GSPT1: variants seen among roughly 807,000 people sequenced by gnomAD.
The protein encoded by GSPT1 is eukaryotic peptide chain release factor GTP-binding subunit ERF3A.
GSPT1 carries 20 observed loss-of-function variants against 72.5 expected under a neutral mutation model. The ratio of observed to expected loss-of-function variants is 0.28; its 90% CI spans 0.19 to 0.40. GSPT1 has a LOEUF of 0.40. GSPT1 is among the 10% of genes least tolerant of loss of function. GSPT1 has a pLI of 1.00. For missense variants in GSPT1, 580 were observed against 811.9 expected (o/e 0.71, Z 3.47); for synonymous variants, 334 against 293.5 (o/e 1.14, Z -1.41).
chr16:11,876,070 A>G lies in GSPT1; in HGVS notation c.1692+16T>C. 6.5e-7 allele frequency: 1 copy of G among 1,544,296 alleles called. No homozygotes were observed. Among genetic ancestry groups the G allele is most frequent in the Non-Finnish European group, 9.0e-7 (1 of 1,117,152 alleles). ...ACAGTATTAAAACAGAAATAAACCA[A>G]TTATCTTAAACTCACTGTTATTTCC... On this transcript the variant is annotated intron_variant, in intron 13 of 14. Coordinates refer to ENST00000434724, the MANE Select transcript of GSPT1 (RefSeq NM_002094.4).
intron 1 of GSPT1, among the ~76,000 whole-genome samples, chr16:11,909,112 C>T (rs1029828114): frequency 1.3e-5 from 2 of 150,624 alleles, no homozygotes; most frequent in East Asian, 2.0e-4. Flanking sequence ...TCAAGTGAAG[C>T]GACATACAAT....
Position 11,868,261 on chromosome 16 carries a change from A to C in GSPT1, c.*4858T>G, listed in dbSNP as rs181073525. The C allele has an allele frequency of 4.1e-4, 63 of 152,262 alleles. No homozygotes were observed. The highest frequency in any genetic ancestry group is 1.4e-3 in the African/African-American group (59 of 41,558). 9.4% of individuals were successfully genotyped at this position (152,262 alleles called of 1,614,324 possible). On this transcript the variant is annotated 3_prime_UTR_variant, in exon 15 of 15. Coordinates refer to ENST00000434724, the MANE Select transcript of GSPT1 (RefSeq NM_002094.4). ...AGTCAGGCACAGTAGGTAGCTACAA[A>C]TCGTAAGAAAAAGCTTTCTTTCCTA...
intron 9 of GSPT1, among the ~76,000 whole-genome samples, chr16:11,885,742 A>G (rs1433213085): frequency 6.6e-6 from 1 of 152,014 alleles, no homozygotes; most frequent in African/African-American, 2.4e-5. Context: ...AAATACAAAA[A>G]TCAGCCGGGT....
chr16:11,913,786 C>T (rs2054590222), intron 1 of GSPT1, among the ~76,000 whole-genome samples: 1 of 152,208 alleles, frequency 6.6e-6, no homozygotes, highest in African/African-American at 2.4e-5. Context: ...GAATTACAAG[C>T]TAAGCTTCCT....
chr16:11,904,158 C>T (rs1026590343), intron 1 of GSPT1: 12 of 210,750 alleles, frequency 5.7e-5, no homozygotes, highest in African/African-American at 1.2e-4. Flanking sequence ...GTCCTTGATA[C>T]GTATGCCAAC....
intron 1 of GSPT1, among the ~76,000 whole-genome samples, chr16:11,902,603 TAA>T (rs2054427224): frequency 6.9e-6 from 1 of 144,352 alleles, no homozygotes; most frequent in African/African-American, 2.5e-5. Flanking sequence ...TTTTTTTTTT[TAA>T]GAGATGGAGT....
chr16:11,885,376 C>T (rs941968333), intron 9 of GSPT1, 102 bp from the exon 10 acceptor site: 1 of 661,598 alleles, frequency 1.5e-6, no homozygotes, highest in African/African-American at 1.8e-5. Flanking sequence ...TCATTCTACT[C>T]ATGTATTCTT....
chr16:11,893,243 C>G (rs185180723), intron 5 of GSPT1, among the ~76,000 whole-genome samples: 3 of 151,882 alleles, frequency 2.0e-5, no homozygotes, highest in African/African-American at 7.3e-5. Flanking sequence ...CACTACCCTC[C>G]GGCCTGGGCA....
Position 11,873,073 on chromosome 16 carries a change from C to T in GSPT1, c.*46G>A, listed in dbSNP as rs765581860. On this transcript the variant is annotated 3_prime_UTR_variant, in exon 15 of 15. Coordinates refer to ENST00000434724, the MANE Select transcript of GSPT1 (RefSeq NM_002094.4). ...GAAGGCGGTGTGAAGTAGGCTTCTGCAGTCAATTTTCCTCACAGTATTGTG... is the reference window on the plus strand; with the variant it reads ...GAAGGCGGTGTGAAGTAGGCTTCTGTAGTCAATTTTCCTCACAGTATTGTG... 8.6e-6 allele frequency: 9 copies of T among 1,043,006 alleles called. No individual in the cohort carries two copies. In the East Asian group the frequency reaches 1.9e-4, roughly 22 times the overall value. The allele number at this position is 1,043,006 out of a possible 1,614,324, so 64.6% of individuals were successfully genotyped here. A position where few individuals can be genotyped will look rare whatever the true frequency, so the allele number is the denominator to read the frequency against.
intron 11 of GSPT1, chr16:11,882,594 CTTTGGAGCTG>C (rs2054134643): frequency 6.4e-6 from 1 of 156,166 alleles, no homozygotes; most frequent in African/African-American, 2.4e-5. Context: ...TAAGCAACAT[CTTTGGAGCTG>C]TTAGAGAAGC....
chr16:11,904,065 C>G (rs2054453082), intron 1 of GSPT1: 2 of 228,834 alleles, frequency 8.7e-6, no homozygotes, highest in African/African-American at 4.6e-5. Flanking sequence ...CATGAATGCT[C>G]CAAACATTGA....
chr16:11,893,187 G>A (rs1410989793), intron 5 of GSPT1, among the ~76,000 whole-genome samples: 2 of 152,024 alleles, frequency 1.3e-5, no homozygotes, highest in Non-Finnish European at 2.9e-5. Flanking sequence ...TTGAGCACAG[G>A]AATTTGAAGC....
At chr16:11,909,326 T>C (rs2054528674) in intron 1 of GSPT1, among the ~76,000 whole-genome samples, 1 of 152,218 alleles carries the variant, frequency 6.6e-6, no homozygotes, top group African/African-American at 2.4e-5. Context: ...CGGCTCACTT[T>C]GTTAAACTCT....
chr16:11,879,350 C>T (rs1374739384), intron 11 of GSPT1, among the ~76,000 whole-genome samples: 13 of 150,526 alleles, frequency 8.6e-5, no homozygotes, highest in South Asian at 2.1e-4. Context: ...GCTGAGATGG[C>T]GCCACTGTAC....
Position 11,873,086 on chromosome 16 carries a change from TCA to T in GSPT1, c.*31_*32del. On this transcript the variant is annotated 3_prime_UTR_variant, in exon 15 of 15. Coordinates refer to ENST00000434724, the MANE Select transcript of GSPT1 (RefSeq NM_002094.4). ...AGTAGGCTTCTGCAGTCAATTTTCCTCACAGTATTGTGCAGGGTCATCAAGAA... is the reference window on the plus strand; with the variant it reads ...AGTAGGCTTCTGCAGTCAATTTTCCTCAGTATTGTGCAGGGTCATCAAGAA... 2.2e-6 allele frequency: 3 copies of T among 1,370,120 alleles called. No homozygotes were observed. Among genetic ancestry groups the T allele is most frequent in the Non-Finnish European group, 3.1e-6 (3 of 968,220 alleles). The allele number at this position is 1,370,120 out of a possible 1,614,324, so 84.9% of individuals were successfully genotyped here. A position where few individuals can be genotyped will look rare whatever the true frequency, so the allele number is the denominator to read the frequency against.
rs2054043777 is a variant in GSPT1 at position 11,876,129 on chromosome 16, G to A, written c.1649C>T (p.Ala550Val). 2 of 1,608,252 alleles carry A rather than the reference G, an allele frequency of 1.2e-6. No individual in the cohort carries two copies. Among genetic ancestry groups the A allele is most frequent in the South Asian group, 1.1e-5 (1 of 90,932 alleles). ...AATACAGGTATGAATATGCAGCACCGCATTATAGCCTGGGCAGATGATGGA... is the reference window on the plus strand; with the variant it reads ...AATACAGGTATGAATATGCAGCACCACATTATAGCCTGGGCAGATGATGGA... Reference protein sequence around the residue: ...HKSIICPGYNAVLHIHTCIEE... With the variant: ...HKSIICPGYNVVLHIHTCIEE... The change falls in exon 13 of 15, where the codon GCG (alanine) becomes GTG (valine). Residue 550 changes from alanine to valine, a missense_variant. Transcript: ENST00000434724.
At chr16:11,907,968 G>A (rs1161277572) in intron 1 of GSPT1, among the ~76,000 whole-genome samples, 5 of 152,226 alleles carry the variant, frequency 3.3e-5, no homozygotes, top group Admixed American at 6.5e-5. Flanking sequence ...GAGGCCAGGC[G>A]CGGTGGCTCA....
At chr16:11,888,503 T>C (rs1211960683) in intron 6 of GSPT1, among the ~76,000 whole-genome samples, 1 of 149,736 alleles carries the variant, frequency 6.7e-6, no homozygotes, top group South Asian at 2.1e-4. Flanking sequence ...GGCTCATGCT[T>C]GTAATCCAAG....
rs756775030 is a variant in GSPT1, at chr16:11,891,165, AG to A, written c.699-27del. On this transcript the variant is annotated intron_variant, in intron 5 of 14. Coordinates refer to ENST00000434724, the MANE Select transcript of GSPT1 (RefSeq NM_002094.4). Reference sequence around the variant, plus strand: ...CTGAAAACATTTAAAGAAAAAAAAAAGTAAACAATTACTCACAAATTACTCA... The same window carrying A: ...CTGAAAACATTTAAAGAAAAAAAAAATAAACAATTACTCACAAATTACTCA... The A allele has an allele frequency of 5.0e-6, 6 of 1,208,428 alleles. No individual in the cohort carries two copies. The South Asian group carries it at 7.2e-5, about 14-fold the overall frequency. 74.9% of individuals were successfully genotyped at this position (1,208,428 alleles called of 1,614,324 possible).
Sources: gnomAD v4.1 joint callset for allele counts (sites outside exome capture counted in the v4.1 genomes callset) on GRCh38, gnomAD v4.1.1 for gene constraint, MANE v1.5 for transcripts, NCBI Gene and HGNC (gene_info 2026-07-23, HGNC 2026-07-21) for gene names.